RCAN1: variants seen among roughly 807,000 people sequenced by gnomAD.
RCAN1 encodes calcipressin-1.
RCAN1 carries 11 observed loss-of-function variants against 22.9 expected under a neutral mutation model. The ratio of observed to expected loss-of-function variants is 0.48; its 90% CI spans 0.30 to 0.79. The LOEUF (loss-of-function observed/expected upper bound fraction) is 0.79. Ranked by LOEUF, RCAN1 falls within the 30% of genes least tolerant of loss-of-function variation. RCAN1 has a pLI of 0.06. For synonymous variants in RCAN1, 136 were observed against 142.3 expected, an observed-to-expected ratio of 0.96 and a Z score of 0.32; for missense variants, 291 against 337.8, an observed-to-expected ratio of 0.86 and a Z score of 1.09.
intron 1 of RCAN1, among the ~76,000 whole-genome samples, chr21:34,590,767 G>A (rs1987945178): frequency 6.6e-6 from 1 of 152,220 alleles, no homozygotes; most frequent in South Asian, 2.1e-4. Context: ...GATTACAAGA[G>A]GACTAGAAGA....
At chr21:34,541,189 T>C (rs1985897240) in intron 1 of RCAN1, among the ~76,000 whole-genome samples, 1 of 152,182 alleles carries the variant, frequency 6.6e-6, no homozygotes, top group South Asian at 2.1e-4. Flanking sequence ...CTCAGGATAC[T>C]AGAAGTGGAG....
chr21:34,532,539 G>C (rs957921193), intron 1 of RCAN1, among the ~76,000 whole-genome samples: 2 of 152,170 alleles, frequency 1.3e-5, no homozygotes, highest in African/African-American at 4.8e-5. Context: ...GATAGTCCTG[G>C]TGCTGGTACA....
intron 1 of RCAN1, among the ~76,000 whole-genome samples, chr21:34,579,360 G>A (rs530607095): frequency 5.3e-5 from 8 of 152,228 alleles, no homozygotes; most frequent in South Asian, 4.1e-4. Context: ...CTGAGATTGC[G>A]CCACTGCACT....
chr21:34,541,443 C>T lies in RCAN1; in HGVS notation c.253-17733G>A, dbSNP rs79690782. Among the ~76,000 whole-genome samples the T allele has an allele frequency of 2.2e-4, 33 of 152,334 alleles. No individual in the cohort carries two copies. The East Asian group carries it at 4.4e-3, about 20-fold the overall frequency. ...GTAGGCGCTTATACTAGTTAGTTAA[C>T]GTTCCACTATCATCCACTGTCATGT... On this transcript the variant is annotated intron_variant, in intron 1 of 3. Coordinates refer to ENST00000313806, the MANE Select transcript of RCAN1 (RefSeq NM_004414.7).
chr21:34,586,652 A>C (rs1472584738), intron 1 of RCAN1, among the ~76,000 whole-genome samples: 1 of 152,230 alleles, frequency 6.6e-6, no homozygotes, highest in African/African-American at 2.4e-5. Context: ...AAGAGATTAA[A>C]GAAAGTAGAA....
At chr21:34,567,361 G>C (rs1457387875) in intron 1 of RCAN1, among the ~76,000 whole-genome samples, 1 of 152,000 alleles carries the variant, frequency 6.6e-6, no homozygotes, top group African/African-American at 2.4e-5. Context: ...CCGAGCGTGG[G>C]GGGCACATGC....
intron 1 of RCAN1, among the ~76,000 whole-genome samples, chr21:34,587,590 A>G (rs541162879): frequency 6.6e-6 from 1 of 152,310 alleles, no homozygotes; most frequent in South Asian, 2.1e-4. Context: ...CTGTACTATA[A>G]CCAAGGAAAA....
chr21:34,578,661 G>A (rs529974656), intron 1 of RCAN1, among the ~76,000 whole-genome samples: 1 of 152,316 alleles, frequency 6.6e-6, no homozygotes, highest in Admixed American at 6.5e-5. Flanking sequence ...TTTGCAGATG[G>A]CCCTTTGCTA....
intron 1 of RCAN1, among the ~76,000 whole-genome samples, chr21:34,533,711 G>A (rs1238012820): frequency 6.6e-6 from 1 of 152,230 alleles, no homozygotes; most frequent in Non-Finnish European, 1.5e-5. Context: ...AGCCTTGAGT[G>A]TGGGCAACAG....
chr21:34,612,073 C>T (rs1176970276), intron 1 of RCAN1, among the ~76,000 whole-genome samples: 3 of 152,128 alleles, frequency 2.0e-5, no homozygotes, highest in Non-Finnish European at 4.4e-5. Flanking sequence ...CAGATGGAGG[C>T]TCTGCCCCTT....
intron 1 of RCAN1, among the ~76,000 whole-genome samples, chr21:34,580,163 T>C (rs1987553144): frequency 6.6e-6 from 1 of 152,180 alleles, no homozygotes; most frequent in Admixed American, 6.5e-5. Flanking sequence ...CCTGTTTGAT[T>C]TACTTTCCTG....
At chr21:34,563,735 C>T (rs1432252270) in intron 1 of RCAN1, among the ~76,000 whole-genome samples, 2 of 131,364 alleles carry the variant, frequency 1.5e-5, no homozygotes, top group Non-Finnish European at 1.6e-5. Flanking sequence ...ATGGTGAAAC[C>T]CATCTCTACT....
chr21:34,613,612 C>A (rs1299976223), intron 1 of RCAN1, among the ~76,000 whole-genome samples: 1 of 152,154 alleles, frequency 6.6e-6, no homozygotes, highest in African/African-American at 2.4e-5. Flanking sequence ...TGCTGGCTAG[C>A]GCTTAGTTTA....
intron 1 of RCAN1, among the ~76,000 whole-genome samples, chr21:34,610,925 T>A (rs1159283738): frequency 6.6e-6 from 1 of 152,240 alleles, no homozygotes; most frequent in Non-Finnish European, 1.5e-5. Flanking sequence ...TAGGTAAGTT[T>A]ACTCAAGCGA....
intron 2 of RCAN1, 30 bp downstream of exon 2, chr21:34,523,507 G>T (rs375749740): frequency 3.1e-6 from 5 of 1,606,086 alleles, no homozygotes; most frequent in Non-Finnish European, 4.3e-6. Context: ...GGAGGAGGGA[G>T]AAGCATGCAT....
intron 1 of RCAN1, among the ~76,000 whole-genome samples, chr21:34,533,569 C>A (rs1376046123): frequency 1.3e-5 from 2 of 152,168 alleles, no homozygotes; most frequent in East Asian, 3.9e-4. Context: ...TGTCTAAACA[C>A]TGTTCTAGGT....
intron 1 of RCAN1, among the ~76,000 whole-genome samples, chr21:34,555,073 G>A (rs1018380054): frequency 1.3e-5 from 2 of 152,252 alleles, no homozygotes; most frequent in African/African-American, 4.8e-5. Flanking sequence ...ATGCAGAGAT[G>A]TGCTAAACAG....
At position 34,567,735 on chromosome 21, in the gene RCAN1, C is replaced by T. The variant is rs553822184; in HGVS notation, c.253-44025G>A. Among the ~76,000 whole-genome samples, 52 of 152,254 alleles carry T rather than the reference C, an allele frequency of 3.4e-4. 2 individuals are homozygous for T. In the South Asian group the frequency reaches 1.0e-2, roughly 29 times the overall value. ...GGAAGGTGCCAAGGTTCTACCTACA[C>T]CTAAGAAGTCCCTAGCAGCACGGGC... On this transcript the variant is annotated intron_variant, in intron 1 of 3. Coordinates refer to ENST00000313806, the MANE Select transcript of RCAN1 (RefSeq NM_004414.7).
chr21:34,614,397 A>AC lies in RCAN1; in HGVS notation c.252+362dup. On this transcript the variant is annotated intron_variant, in intron 1 of 3. Coordinates refer to ENST00000313806, the MANE Select transcript of RCAN1 (RefSeq NM_004414.7). The surrounding 1 kb of genome is among the most constrained non-coding windows in gnomAD (Gnocchi z 6.0). ...TTTCCTCCTCCCTAGGAATGAGGTG[A>AC]CCCCCTCCTCCAGCGAGTAAATGCG... 1.0e-6 allele frequency: 1 copy of AC among 996,256 alleles called. No individual in the cohort carries two copies. 61.7% of individuals were successfully genotyped at this position (996,256 alleles called of 1,614,324 possible).
Sources: allele counts gnomAD v4.1 joint callset (sites outside exome capture counted in the v4.1 genomes callset), GRCh38; gene constraint gnomAD v4.1.1; non-coding constraint Gnocchi (gnomAD v3.1); transcripts MANE v1.5; gene names NCBI Gene and HGNC (gene_info 2026-07-23, HGNC 2026-07-21).